Variants in PKP4 observed in about 807,000 individuals in gnomAD.
PKP4 encodes the protein plakophilin 4, also known as plakophilin-4.
In PKP4, 90 loss-of-function variants were observed where a neutral mutation model predicts 145.1. The ratio of observed to expected loss-of-function variants is 0.62; its 90% CI spans 0.52 to 0.74. The LOEUF is 0.74. PKP4 is among the 30% of genes least tolerant of loss of function. The pLI is 0.00. For synonymous variants in PKP4, 563 were observed against 577.2 expected (o/e 0.98, Z 0.35); for missense variants, 1,340 against 1,482.7 (o/e 0.90, Z 1.58).
intron 11 of PKP4, among the ~76,000 whole-genome samples, chr2:158,643,339 A>G (rs937822732): frequency 1.3e-5 from 2 of 152,184 alleles, no homozygotes; most frequent in African/African-American, 4.8e-5. Context: ...GGATAGGCAG[A>G]GGTCTTTCTA....
At chr2:158,557,008 A>T (rs2046152267) in intron 2 of PKP4, among the ~76,000 whole-genome samples, 2 of 152,054 alleles carry the variant, frequency 1.3e-5, no homozygotes, top group Admixed American at 1.3e-4. Flanking sequence ...TCAACTCTGG[A>T]GTCACACCTT....
intron 8 of PKP4, among the ~76,000 whole-genome samples, chr2:158,633,062 A>G (rs2053514797): frequency 6.6e-6 from 1 of 152,220 alleles, no homozygotes; most frequent in Non-Finnish European, 1.5e-5. Context: ...ATCATTTGAT[A>G]TATCAGTCTT....
At chr2:158,569,715 G>A (rs1314914075) in intron 2 of PKP4, among the ~76,000 whole-genome samples, 1 of 152,088 alleles carries the variant, frequency 6.6e-6, no homozygotes, top group Non-Finnish European at 1.5e-5. Flanking sequence ...GATGTTAATA[G>A]TTGTTCTTTG....
intron 17 of PKP4, among the ~76,000 whole-genome samples, chr2:158,671,190 TGAC>T (rs1034891723): frequency 1.1e-4 from 16 of 152,214 alleles, no homozygotes; most frequent in African/African-American, 3.9e-4. Flanking sequence ...ATTGGCCAAA[TGAC>T]AGTGCTGGAA....
At chr2:158,608,808 C>CTTTTTTTTTTTTTTT (rs66933766) in intron 4 of PKP4, among the ~76,000 whole-genome samples, 3 of 86,182 alleles carry the variant, frequency 3.5e-5, no homozygotes, top group African/African-American at 1.0e-4. Flanking sequence ...TCTTTTCTTT[C>CTTTTTTTTTTTTTTT]TTTTTTTTTT....
intron 11 of PKP4, among the ~76,000 whole-genome samples, chr2:158,651,804 C>T (rs1251258892): frequency 6.6e-6 from 1 of 152,032 alleles, no homozygotes; most frequent in Admixed American, 6.6e-5. Flanking sequence ...ACTGTCAAAC[C>T]CCAGTGTCCC....
chr2:158,500,879 C>CA (rs1268012966), intron 1 of PKP4, among the ~76,000 whole-genome samples: 8 of 152,176 alleles, frequency 5.3e-5, no homozygotes, highest in Non-Finnish European at 1.2e-4. Context: ...GAATGAATAG[C>CA]AGAGGGGCAG....
In PKP4 at chr2:158,666,465, T is replaced by A; in HGVS notation, c.2630T>A (p.Leu877His). The A allele has an allele frequency of 6.2e-7, 1 of 1,612,756 alleles. No individual in the cohort carries two copies. Among genetic ancestry groups the A allele is most frequent in the Non-Finnish European group, 8.5e-7 (1 of 1,179,414 alleles). ...CGAAAAGAAAAGGGGCTCCCCATCC[T>A]TGTGGAGCTTCTGAGAATGGATAAC... ...AVRKEKGLPI[L>H]VELLRMDNDR... Residue 877 changes from leucine to histidine, a missense_variant, in exon 16 of 22, where the codon CTT becomes CAT. Leu to His is a moderately conservative substitution (Grantham distance 99). Transcript: ENST00000389759.
chr2:158,583,656 C>T (rs2105799282), intron 3 of PKP4, among the ~76,000 whole-genome samples: 1 of 152,230 alleles, frequency 6.6e-6, no homozygotes, highest in East Asian at 1.9e-4. Flanking sequence ...AGAACATTTT[C>T]ATGAACCCCC....
chr2:158,511,291 C>T (rs2041495266), intron 1 of PKP4, among the ~76,000 whole-genome samples: 1 of 152,030 alleles, frequency 6.6e-6, no homozygotes, highest in Non-Finnish European at 1.5e-5. Context: ...GAGGCTGAGG[C>T]AGGAGAATCA....
At chr2:158,582,308 T>A (rs2105795583) in intron 3 of PKP4, among the ~76,000 whole-genome samples, 1 of 152,340 alleles carries the variant, frequency 6.6e-6, no homozygotes, top group South Asian at 2.1e-4. Flanking sequence ...AGAAAAAACT[T>A]TTCTGCATTT....
At chr2:158,641,106 G>T (rs932646847) in intron 10 of PKP4, among the ~76,000 whole-genome samples, 2 of 152,126 alleles carry the variant, frequency 1.3e-5, no homozygotes, top group African/African-American at 4.8e-5. Flanking sequence ...GGAGACAGAG[G>T]CTGGCAGATC....
intron 2 of PKP4, chr2:158,549,147 C>T: frequency 5.0e-6 from 1 of 200,406 alleles, no homozygotes. Context: ...AGGCAGTGTC[C>T]TGGGTTCCAA....
At chr2:158,552,208 T>C (rs1456279519) in intron 2 of PKP4, among the ~76,000 whole-genome samples, 1 of 152,210 alleles carries the variant, frequency 6.6e-6, no homozygotes, top group Non-Finnish European at 1.5e-5. Flanking sequence ...CCCCAGAGCC[T>C]GTAAGGGGCA....
chr2:158,619,167 C>G (rs1306899428), intron 4 of PKP4, among the ~76,000 whole-genome samples: 1 of 152,178 alleles, frequency 6.6e-6, no homozygotes, highest in Non-Finnish European at 1.5e-5. Context: ...CTTAGCAAAA[C>G]TCCTTTGAGA....
At chr2:158,557,557 G>A (rs574791137) in intron 2 of PKP4, among the ~76,000 whole-genome samples, 2 of 152,310 alleles carry the variant, frequency 1.3e-5, no homozygotes, top group South Asian at 2.1e-4. Flanking sequence ...TGTTTTTCAA[G>A]TGAACTTAAT....
chr2:158,524,216 T>C (rs1023886990), intron 1 of PKP4, among the ~76,000 whole-genome samples: 3 of 121,974 alleles, frequency 2.5e-5, no homozygotes, highest in Non-Finnish European at 5.0e-5. Flanking sequence ...GAAAAAATGT[T>C]AAGGGCAGCC....
chr2:158,481,489 A>G (rs1693346710), intron 1 of PKP4, among the ~76,000 whole-genome samples: 1 of 152,286 alleles, frequency 6.6e-6, no homozygotes. Context: ...GCAGCTGCAC[A>G]GTTTTTACTT....
At chr2:158,495,894 G>GTA (rs1343984510) in intron 1 of PKP4, among the ~76,000 whole-genome samples, 2 of 151,038 alleles carry the variant, frequency 1.3e-5, no homozygotes, top group African/African-American at 4.9e-5. Context: ...GGGTATATAT[G>GTA]TATATATTTT....
Sources: gnomAD v4.1 joint callset for allele counts (sites outside exome capture counted in the v4.1 genomes callset) on GRCh38, gnomAD v4.1.1 for gene constraint, MANE v1.5 for transcripts, NCBI Gene and HGNC (gene_info 2026-07-23, HGNC 2026-07-21) for gene names.